The following WWOX variants were observed in gnomAD, a reference collection of about 807,000 sequenced individuals.
The protein encoded by WWOX is WW domain containing oxidoreductase, also known as WW domain-containing oxidoreductase.
In WWOX, 69 loss-of-function variants were observed where a neutral mutation model predicts 46.2. The ratio of observed to expected loss-of-function variants is 1.49; its 90% confidence interval spans 1.23 to 1.82. The LOEUF is 1.82. Among genes scored for constraint, WWOX ranks in the 40% most tolerant of loss-of-function variants. The pLI is 0.00. For synonymous variants in WWOX, 359 were observed against 202.6 expected, an observed-to-expected ratio of 1.77 and a Z score of -6.56; for missense variants, 919 against 542.6, an observed-to-expected ratio of 1.69 and a Z score of -6.89.
intron 8 of WWOX, among the ~76,000 whole-genome samples, chr16:78,577,604 T>C (rs2044919595): frequency 6.6e-6 from 1 of 152,228 alleles, no homozygotes; most frequent in Non-Finnish European, 1.5e-5. Context: ...TTATGCTTTC[T>C]GGGCTTTGGT....
chr16:79,118,753 GT>G (rs1567562039), intron 8 of WWOX, among the ~76,000 whole-genome samples: 1 of 152,182 alleles, frequency 6.6e-6, no homozygotes, highest in Admixed American at 6.5e-5. Flanking sequence ...GTTGTGTGGT[GT>G]TTGTCCCACA....
At chr16:78,996,083 G>T in intron 8 of WWOX, 1 of 485,208 alleles carries the variant, frequency 2.1e-6, no homozygotes, top group Non-Finnish European at 2.7e-6. Context: ...AGTTATTTTG[G>T]CAAAATGAAA....
chr16:79,204,978 TTTTGTCAGGGAGAATGGCATGGCC>T (rs2051460411), intron 8 of WWOX: 1 of 152,198 alleles, frequency 6.6e-6, no homozygotes, highest in Non-Finnish European at 1.5e-5. Flanking sequence ...AACTCATGTC[TTTTGTCAGGGAGAATGGCATGGCC>T]TTTGTATGAC....
intron 5 of WWOX, among the ~76,000 whole-genome samples, chr16:78,315,360 A>C (rs1010026228): frequency 1.3e-5 from 2 of 152,150 alleles, no homozygotes; most frequent in Non-Finnish European, 2.9e-5. Context: ...AAATAATTAT[A>C]TGATTATGCT....
chr16:78,742,694 G>A (rs139714502), intron 8 of WWOX, among the ~76,000 whole-genome samples: 1 of 152,306 alleles, frequency 6.6e-6, no homozygotes, highest in African/African-American at 2.4e-5. Flanking sequence ...GTTCTGCCCT[G>A]CGGTTTCAGT....
At chr16:79,163,816 A>AAGAG (rs1289723530) in intron 8 of WWOX, among the ~76,000 whole-genome samples, 2 of 124,514 alleles carry the variant, frequency 1.6e-5, no homozygotes, top group East Asian at 4.4e-4. Flanking sequence ...AAAAAAAAAA[A>AAGAG]AGAGAGAGAG....
At chr16:78,637,042 C>T (rs1387869180) in intron 8 of WWOX, among the ~76,000 whole-genome samples, 1 of 152,210 alleles carries the variant, frequency 6.6e-6, no homozygotes, top group African/African-American at 2.4e-5. Context: ...AATCCCTGCT[C>T]ATCTGCAGCA....
chr16:78,954,143 G>A (rs953869103), intron 8 of WWOX, among the ~76,000 whole-genome samples: 1 of 152,130 alleles, frequency 6.6e-6, no homozygotes, highest in Non-Finnish European at 1.5e-5. Flanking sequence ...CCATAAAAAT[G>A]TCTGTCAGAG....
chr16:78,968,883 CATA>C (rs1203574436), intron 8 of WWOX, among the ~76,000 whole-genome samples: 1 of 150,916 alleles, frequency 6.6e-6, no homozygotes, highest in East Asian at 2.0e-4. Flanking sequence ...ATGTTTGTCA[CATA>C]ATACTTCTTC....
At chr16:78,409,909 A>G (rs1723387062) in intron 6 of WWOX, among the ~76,000 whole-genome samples, 1 of 152,112 alleles carries the variant, frequency 6.6e-6, no homozygotes, top group Admixed American at 6.5e-5. Flanking sequence ...GTGCTTACCT[A>G]GATTATCTAG....
At chr16:79,135,976 T>C (rs2049974496) in intron 8 of WWOX, among the ~76,000 whole-genome samples, 1 of 152,224 alleles carries the variant, frequency 6.6e-6, no homozygotes, top group South Asian at 2.1e-4. Context: ...TGGCTGACTA[T>C]TGTAAATATT....
chr16:78,615,113 T>A (rs1380307525), intron 8 of WWOX, among the ~76,000 whole-genome samples: 1 of 152,220 alleles, frequency 6.6e-6, no homozygotes, highest in Non-Finnish European at 1.5e-5. Flanking sequence ...TAAAATAATT[T>A]GTACAAGTTT....
intron 8 of WWOX, among the ~76,000 whole-genome samples, chr16:79,172,580 G>T (rs1246406450): frequency 6.6e-6 from 1 of 152,156 alleles, no homozygotes; most frequent in African/African-American, 2.4e-5. Flanking sequence ...AGAACCTGTG[G>T]AGCCTCTTTA....
intron 5 of WWOX, among the ~76,000 whole-genome samples, chr16:78,260,069 A>G (rs1233535518): frequency 6.6e-6 from 1 of 151,112 alleles, no homozygotes; most frequent in Non-Finnish European, 1.5e-5. Flanking sequence ...CTTACACAGG[A>G]GCGTTTCTGC....
intron 8 of WWOX, among the ~76,000 whole-genome samples, chr16:78,990,757 C>G (rs185145129): frequency 2.0e-5 from 3 of 152,166 alleles, no homozygotes; most frequent in Non-Finnish European, 2.9e-5. Context: ...GGAAGTCTGG[C>G]AAGAGGGCAC....
intron 8 of WWOX, among the ~76,000 whole-genome samples, chr16:78,515,321 C>T (rs763473107): frequency 6.6e-6 from 1 of 152,194 alleles, no homozygotes; most frequent in African/African-American, 2.4e-5. Flanking sequence ...AAATAGATCT[C>T]GTGTGTGGAG....
intron 8 of WWOX, among the ~76,000 whole-genome samples, chr16:78,492,890 A>C (rs778744103): frequency 3.9e-5 from 6 of 152,168 alleles, no homozygotes; most frequent in Non-Finnish European, 7.3e-5. Flanking sequence ...GTGTGCATGC[A>C]TGCACTCCCA....
intron 8 of WWOX, among the ~76,000 whole-genome samples, chr16:78,470,084 G>C (rs1157010686): frequency 6.6e-6 from 1 of 152,228 alleles, no homozygotes; most frequent in Non-Finnish European, 1.5e-5. Context: ...TTAGCAGGCT[G>C]CTCTCTTCCA....
intron 8 of WWOX, among the ~76,000 whole-genome samples, chr16:78,583,488 A>G (rs751594097): frequency 1.6e-4 from 24 of 152,174 alleles, no homozygotes; most frequent in Admixed American, 9.2e-4. Flanking sequence ...TTTTCTCTGA[A>G]AAGCATCCCA....
Sources: gnomAD v4.1 joint callset for allele counts (sites outside exome capture counted in the v4.1 genomes callset) on GRCh38, gnomAD v4.1.1 for gene constraint, MANE v1.5 for transcripts, NCBI Gene and HGNC (gene_info 2026-07-23, HGNC 2026-07-21) for gene names.